Variants in MED13L observed in about 807,000 individuals in gnomAD.
The protein encoded by MED13L is mediator of RNA polymerase II transcription subunit 13-like.
A neutral mutation model predicts 220.9 loss-of-function variants in MED13L; 7 were observed. The ratio of observed to expected loss-of-function variants is 0.03; its 90% CI spans 0.02 to 0.06. MED13L has a LOEUF of 0.06. MED13L is among the 10% of genes least tolerant of loss of function. The pLI, the probability that MED13L is intolerant of heterozygous loss-of-function variation, is 1.00. For synonymous variants in MED13L, 1,011 were observed against 1,015.2 expected (o/e 1.00, Z 0.08); for missense variants, 1,965 against 2,760.5 (o/e 0.71, Z 6.46).
chr12:116,081,802 G>A (rs868693548), intron 4 of MED13L, among the ~76,000 whole-genome samples: 4 of 152,282 alleles, frequency 2.6e-5, no homozygotes, highest in South Asian at 4.1e-4. Flanking sequence ...AGAAAGTTGC[G>A]GCTGCAGTGA....
At chr12:116,185,457 T>TACAACTGCTATTAGGTAATACC (rs1845404918) in intron 2 of MED13L, among the ~76,000 whole-genome samples, 1 of 151,996 alleles carries the variant, frequency 6.6e-6, no homozygotes, top group Non-Finnish European at 1.5e-5. Flanking sequence ...TTTGTAAGAC[T>TACAACTGCTATTAGGTAATACC]ATAACTGCTA....
intron 3 of MED13L, among the ~76,000 whole-genome samples, chr12:116,099,911 T>C (rs150837240): frequency 1.3e-5 from 2 of 152,366 alleles, no homozygotes; most frequent in Middle Eastern, 3.4e-3. Flanking sequence ...AAAACAGCCA[T>C]GGAAAATACC....
At chr12:116,129,489 A>G (rs1390542469) in intron 2 of MED13L, among the ~76,000 whole-genome samples, 1 of 152,232 alleles carries the variant, frequency 6.6e-6, no homozygotes, top group Non-Finnish European at 1.5e-5. Flanking sequence ...AGGTGAACGT[A>G]AATTAAATCA....
chr12:115,993,720 A>T (rs911028726), intron 16 of MED13L, among the ~76,000 whole-genome samples: 3 of 152,228 alleles, frequency 2.0e-5, no homozygotes, highest in Non-Finnish European at 2.9e-5. Flanking sequence ...AAAAGGAACT[A>T]TGAGTACTAA....
At chr12:116,236,866 C>G in intron 2 of MED13L, 5 of 985,182 alleles carry the variant, frequency 5.1e-6, no homozygotes, top group Non-Finnish European at 6.0e-6. Flanking sequence ...AGCTAAAAAT[C>G]AGGCAACACC....
chr12:116,156,727 G>T (rs1415941834), intron 2 of MED13L, among the ~76,000 whole-genome samples: 1 of 152,144 alleles, frequency 6.6e-6, no homozygotes, highest in Non-Finnish European at 1.5e-5. Flanking sequence ...CAAATTAGAG[G>T]ATATATAACT....
intron 4 of MED13L, among the ~76,000 whole-genome samples, chr12:116,077,496 C>T (rs768318006): frequency 2.0e-4 from 30 of 152,122 alleles, no homozygotes; most frequent in Non-Finnish European, 3.4e-4. Flanking sequence ...TATGCATATA[C>T]TTGGACTGAA....
intron 4 of MED13L, among the ~76,000 whole-genome samples, chr12:116,084,327 T>G (rs1430396320): frequency 6.6e-6 from 1 of 152,190 alleles, no homozygotes; most frequent in Non-Finnish European, 1.5e-5. Flanking sequence ...TTCTACTACC[T>G]GAGCATACTC....
intron 1 of MED13L, among the ~76,000 whole-genome samples, chr12:116,239,908 G>GCCA (rs1870466490): frequency 6.6e-6 from 1 of 152,140 alleles, no homozygotes; most frequent in South Asian, 2.1e-4. Flanking sequence ...ATCAGATGGG[G>GCCA]CCACCATTCC....
intron 2 of MED13L, among the ~76,000 whole-genome samples, chr12:116,209,757 A>T (rs977498232): frequency 4.6e-5 from 7 of 152,200 alleles, no homozygotes; most frequent in African/African-American, 1.7e-4. Flanking sequence ...AGGCAAAAAT[A>T]AACCAAGATG....
chr12:116,187,674 G>A (rs1377127394), intron 2 of MED13L, among the ~76,000 whole-genome samples: 1 of 151,968 alleles, frequency 6.6e-6, no homozygotes, highest in Non-Finnish European at 1.5e-5. Flanking sequence ...TAATCATAGG[G>A]GATGTATAGA....
Position 115,982,597 on chromosome 12 carries a change from T to C in MED13L, c.4962A>G (p.Thr1654=), listed in dbSNP as rs756163418. ...QPSQDGQESV[T]ERERIGIPTE... ...TGGGAATTCCTATTCTCTCCCTTTC[T>C]GTAACACTGGAGAGAGAGTCACTTG... The change falls in exon 22 of 31, where the codon ACA becomes ACG. Residue 1654 remains threonine, a synonymous_variant. Transcript: ENST00000281928. 1.9e-5 allele frequency: 31 copies of C among 1,612,844 alleles called. No homozygotes were observed. The highest frequency in any genetic ancestry group is 1.0e-4 in the Admixed American group (6 of 59,994).
intron 2 of MED13L, among the ~76,000 whole-genome samples, chr12:116,217,522 A>G (rs1883076380): frequency 6.6e-6 from 1 of 152,192 alleles, no homozygotes; most frequent in Non-Finnish European, 1.5e-5. Flanking sequence ...ACATCTTACA[A>G]AAGTCAAAAA....
chr12:116,240,656 C>G (rs536543331), intron 1 of MED13L, among the ~76,000 whole-genome samples: 1 of 151,988 alleles, frequency 6.6e-6, no homozygotes, highest in East Asian at 2.0e-4. Flanking sequence ...CCTCAGCCTC[C>G]CGAGTAGCTG....
At chr12:115,969,766 C>T (rs535099471) in intron 27 of MED13L, among the ~76,000 whole-genome samples, 133 of 152,162 alleles carry the variant, frequency 8.7e-4, no homozygotes, top group Admixed American at 1.8e-3. Context: ...TCAAGGGATC[C>T]GCCTGCCTCA....
chr12:116,111,332 T>C (rs563529981), intron 3 of MED13L, 96 bp downstream of exon 3: 40 of 910,338 alleles, frequency 4.4e-5, no homozygotes, highest in Non-Finnish European at 7.1e-5. Context: ...AATAAATCAT[T>C]GCAAGTGAAA....
chr12:115,991,791 T>C lies in MED13L; in HGVS notation c.3163A>G (p.Arg1055Gly). The C allele has an allele frequency of 6.2e-7, 1 of 1,613,668 alleles. No individual in the cohort carries two copies. The highest frequency in any genetic ancestry group is 8.5e-7 in the Non-Finnish European group (1 of 1,179,952). ...CCACCTCTGGGAGTTCTTGGGGTCC[T>C]GGGGGTTCGTGGTGTGGGGACAGAG... is the stretch of plus-strand genomic sequence containing the variant. ...RFSVPTPRTP[R>G]TPRTPRGGGT... Residue 1055 changes from arginine to glycine, a missense_variant, in exon 17 of 31, where the codon AGG (arginine) becomes GGG (glycine). By Grantham distance (125) the Arg-to-Gly change is moderately radical. Transcript: ENST00000281928. The surrounding 1 kb of genome is among the most constrained non-coding windows in gnomAD (Gnocchi z 7.7).
At chr12:116,064,277 T>C (rs976181752) in intron 4 of MED13L, among the ~76,000 whole-genome samples, 3 of 151,920 alleles carry the variant, frequency 2.0e-5, no homozygotes, top group Non-Finnish European at 4.4e-5. Flanking sequence ...CTGAATACAA[T>C]GTAGATGCTA....
intron 4 of MED13L, among the ~76,000 whole-genome samples, chr12:116,082,410 T>C (rs907633194): frequency 1.2e-4 from 18 of 152,312 alleles, no homozygotes; most frequent in South Asian, 4.1e-4. Flanking sequence ...GAAGTGTTGG[T>C]GGTTTGTAAG....
Sources: gnomAD v4.1 joint callset for allele counts (sites outside exome capture counted in the v4.1 genomes callset) on GRCh38, gnomAD v4.1.1 for gene constraint, Gnocchi (gnomAD v3.1) non-coding constraint, MANE v1.5 for transcripts, NCBI Gene and HGNC (gene_info 2026-07-23, HGNC 2026-07-21) for gene names.